The following HDAC9 variants were observed in gnomAD, a reference collection of about 807,000 sequenced individuals.
The protein encoded by HDAC9 is histone deacetylase 9, also known as MEF-2 interacting transcription repressor (MITR) protein.
Under a neutral mutation model 139.4 loss-of-function variants are expected in HDAC9, and 41 were observed. That is an observed-to-expected ratio of 0.29 (90% CI 0.23 to 0.38). The LOEUF (loss-of-function observed/expected upper bound fraction) is 0.38. Ranked by LOEUF, HDAC9 falls within the 10% of genes least tolerant of loss-of-function variation. The pLI, the probability that HDAC9 is intolerant of heterozygous loss-of-function variation, is 1.00. For synonymous variants in HDAC9, 517 were observed against 476.2 expected (o/e 1.09, Z -1.12); for missense variants, 1,147 against 1,297.0 (o/e 0.88, Z 1.78).
chr7:18,430,677 T>C (rs1294376172), intron 1 of HDAC9: 2 of 152,058 alleles, frequency 1.3e-5, no homozygotes, highest in African/African-American at 2.4e-5. Flanking sequence ...TGGCCAGTAG[T>C]TGGAGACCAG....
chr7:18,429,641 A>G (rs1470167156), intron 1 of HDAC9, among the ~76,000 whole-genome samples: 1 of 152,158 alleles, frequency 6.6e-6, no homozygotes, highest in Non-Finnish European at 1.5e-5. Flanking sequence ...AGGAGATTAT[A>G]GATTACGTGT....
At position 18,129,675 on chromosome 7, in the gene HDAC9, C is replaced by A. The variant is rs898053255; in HGVS notation, c.-96-32554C>A. On this transcript the variant is annotated intron_variant, in intron 1 of 12. Transcript: ENST00000417496. ...GTCTTGTAAGACACTGGTTGTGGTA[C>A]TCACTCATTCATTCTTAATCCATTC... is the stretch of plus-strand genomic sequence containing the variant. 9.2e-5 allele frequency among the ~76,000 whole-genome samples: 14 copies of A among 152,092 alleles called. 1 individual carries two copies. The highest frequency in any genetic ancestry group is 3.2e-3 in the Middle Eastern group (1 of 314).
chr7:18,305,460 G>T (rs760286839), intron 1 of HDAC9, among the ~76,000 whole-genome samples: 4 of 152,166 alleles, frequency 2.6e-5, no homozygotes, highest in Non-Finnish European at 2.9e-5. Flanking sequence ...TTCTGGAATA[G>T]TTTGCTTCCA....
rs180850896 is a variant in HDAC9 at position 18,397,686 on chromosome 7, T to C, written c.-41-98576T>C. On this transcript the variant is annotated intron_variant, in intron 1 of 3. Coordinates refer to the HDAC9 transcript ENST00000413509. Reference sequence around the variant, plus strand: ...GAAAAATTAAAATATAAGTGATTTTTAAACATTCTGCCATATGGAAATACA... The same window carrying C: ...GAAAAATTAAAATATAAGTGATTTTCAAACATTCTGCCATATGGAAATACA... Among the ~76,000 whole-genome samples, 585 of 152,310 alleles carry C rather than the reference T, an allele frequency of 3.8e-3. 2 individuals carry two copies. Among genetic ancestry groups the C allele is most frequent in the Middle Eastern group, 6.8e-3 (2 of 294 alleles).
chr7:18,992,265 G>C (rs1786042856), intron 25 of HDAC9, among the ~76,000 whole-genome samples: 2 of 152,190 alleles, frequency 1.3e-5, no homozygotes, highest in African/African-American at 4.8e-5. Context: ...CCATTATTGG[G>C]AGAATGAATA....
chr7:18,594,339 C>T (rs998721548), intron 6 of HDAC9, among the ~76,000 whole-genome samples: 2 of 152,038 alleles, frequency 1.3e-5, no homozygotes, highest in South Asian at 4.2e-4. Context: ...TAACTCTTCT[C>T]CATTAGATAG....
At position 18,668,421 on chromosome 7, in the gene HDAC9, A is replaced by G. The variant is rs563481094; in HGVS notation, c.1731+1945A>G. 24 of 937,280 alleles carry G rather than the reference A, an allele frequency of 2.6e-5. No homozygotes were observed. In the East Asian group the frequency reaches 1.2e-3, roughly 46 times the overall value. The allele number at this position is 937,280 out of a possible 1,614,324, so 58.1% of individuals were successfully genotyped here. A position where few individuals can be genotyped will look rare whatever the true frequency, so the allele number is the denominator to read the frequency against. On this transcript the variant is annotated intron_variant, in intron 12 of 25. Coordinates refer to ENST00000686413, the MANE Select transcript of HDAC9 (RefSeq NM_178425.4). ...TCATTTTCTTCAAAGTCTTTTTTCAATCTCATAAAAAAGGGATAGTGCATC... is the reference window on the plus strand; with the variant it reads ...TCATTTTCTTCAAAGTCTTTTTTCAGTCTCATAAAAAAGGGATAGTGCATC...
intron 1 of HDAC9, among the ~76,000 whole-genome samples, chr7:18,305,380 A>G (rs1798840166): frequency 6.6e-6 from 1 of 152,234 alleles, no homozygotes; most frequent in Non-Finnish European, 1.5e-5. Flanking sequence ...AGGTTTGAGT[A>G]AAAGAAAAAG....
chr7:18,094,190 C>T (rs1432309461), intron 1 of HDAC9, among the ~76,000 whole-genome samples: 3 of 152,196 alleles, frequency 2.0e-5, no homozygotes, highest in Non-Finnish European at 4.4e-5. Context: ...CAGGTGTCCA[C>T]CCTTCTAGAA....
At chr7:18,509,840 T>C (rs1800922743) in intron 2 of HDAC9, among the ~76,000 whole-genome samples, 1 of 152,160 alleles carries the variant, frequency 6.6e-6, no homozygotes. Context: ...ACTGTGACTG[T>C]GTATGTGTGT....
chr7:18,829,331 AG>A (rs1795690032), intron 18 of HDAC9, 115 bp downstream of exon 18: 1 of 1,119,510 alleles, frequency 8.9e-7, no homozygotes, highest in Non-Finnish European at 1.4e-6. Context: ...AAATCTTGCG[AG>A]GTACTCCCAG....
chr7:18,293,050 A>G (rs1028485364), intron 1 of HDAC9, among the ~76,000 whole-genome samples: 2 of 152,078 alleles, frequency 1.3e-5, no homozygotes, highest in Non-Finnish European at 2.9e-5. Flanking sequence ...CTAAAAATGC[A>G]AACATCAGAC....
At chr7:18,476,243 G>T (rs1025901882) in intron 1 of HDAC9, among the ~76,000 whole-genome samples, 5 of 152,124 alleles carry the variant, frequency 3.3e-5, no homozygotes, top group African/African-American at 1.2e-4. Context: ...CCACAGTGTG[G>T]CATCACCTTG....
chr7:18,600,319 C>T (rs957007535), intron 6 of HDAC9, among the ~76,000 whole-genome samples: 1 of 152,014 alleles, frequency 6.6e-6, no homozygotes, highest in Non-Finnish European at 1.5e-5. Flanking sequence ...ATCAATATTT[C>T]CTTTCATCGA....
At chr7:18,557,796 G>A (rs1819338134) in intron 2 of HDAC9, among the ~76,000 whole-genome samples, 1 of 150,468 alleles carries the variant, frequency 6.6e-6, no homozygotes, top group African/African-American at 2.4e-5. Context: ...TATACAAATT[G>A]TTGGTTTGTA....
intron 22 of HDAC9, among the ~76,000 whole-genome samples, chr7:18,883,963 C>G (rs1285962526): frequency 2.0e-5 from 3 of 151,904 alleles, no homozygotes; most frequent in African/African-American, 7.3e-5. Context: ...GGAAAAAATG[C>G]AAAAACCTTA....
intron 21 of HDAC9, among the ~76,000 whole-genome samples, chr7:18,854,458 T>G (rs182995325): frequency 7.2e-5 from 11 of 152,288 alleles, no homozygotes; most frequent in Non-Finnish European, 1.5e-4. Context: ...TAATGGTCAT[T>G]TAATCAATAC....
chr7:18,950,171 T>G (rs1196889904), intron 23 of HDAC9, among the ~76,000 whole-genome samples: 1 of 152,084 alleles, frequency 6.6e-6, no homozygotes, highest in Non-Finnish European at 1.5e-5. Flanking sequence ...TTCTATTGCT[T>G]TTTCTTCCGC....
intron 16 of HDAC9, among the ~76,000 whole-genome samples, chr7:18,786,796 T>TTCC (rs1791846310): frequency 9.1e-4 from 40 of 44,038 alleles, no homozygotes; most frequent in Non-Finnish European, 1.3e-3. Flanking sequence ...TCTTTCTTTC[T>TTCC]TTCCTTCCTT....
Sources: gnomAD v4.1 joint callset for allele counts (sites outside exome capture counted in the v4.1 genomes callset) on GRCh38, gnomAD v4.1.1 for gene constraint, MANE v1.5 for transcripts, NCBI Gene and HGNC (gene_info 2026-07-23, HGNC 2026-07-21) for gene names.